Variants in ZNF431 observed in about 807,000 individuals in gnomAD.
ZNF431 encodes the protein zinc finger protein 431.
Under a neutral mutation model 57.0 loss-of-function variants are expected in ZNF431, and 34 were observed. That is an observed-to-expected ratio of 0.60 (90% confidence interval 0.45 to 0.79). ZNF431 has a LOEUF of 0.79. ZNF431 is among the 30% of genes least tolerant of loss of function. The pLI is 0.00. For missense variants in ZNF431, 607 were observed against 667.1 expected, an observed-to-expected ratio of 0.91 and a Z score of 0.99; for synonymous variants, 207 against 220.3, an observed-to-expected ratio of 0.94 and a Z score of 0.54.
intron 4 of ZNF431, among the ~76,000 whole-genome samples, chr19:21,176,198 T>A (rs1358205062): frequency 1.3e-5 from 2 of 152,000 alleles, no homozygotes; most frequent in East Asian, 3.9e-4. Flanking sequence ...TCCACATAAA[T>A]GTCTTCTTTT....
intron 4 of ZNF431, chr19:21,169,723 C>T: frequency 2.5e-6 from 1 of 398,388 alleles, no homozygotes; most frequent in South Asian, 1.3e-4. Flanking sequence ...TATAATGGCC[C>T]TATCAGGATG....
In ZNF431 at chr19:21,193,145, A is replaced by G. The variant is rs1971538968; in HGVS notation, c.*9111A>G. ...AAATCACAGCCGAATTTTAACACAT[A>G]TACAGAGATGAGCTGGTATTACTTC... On this transcript the variant is annotated 3_prime_UTR_variant, in exon 5 of 5. Coordinates refer to ENST00000311048, the MANE Select transcript of ZNF431 (RefSeq NM_133473.4). The G allele has an allele frequency of 6.6e-6, 1 of 152,214 alleles. No homozygotes were observed. Among genetic ancestry groups the G allele is most frequent in the Non-Finnish European group, 1.5e-5 (1 of 68,036 alleles). 9.4% of individuals were successfully genotyped at this position (152,214 alleles called of 1,614,324 possible).
chr19:21,176,405 T>C (rs1971053859), intron 4 of ZNF431, among the ~76,000 whole-genome samples: 1 of 152,146 alleles, frequency 6.6e-6, no homozygotes, highest in East Asian at 1.9e-4. Context: ...CATGCCTGGC[T>C]AATTTTTTGT....
rs1417739477 is a variant in ZNF431, at chr19:21,162,144, T to TTTGTGTG, written c.97-4190_97-4189insTGTGTGT. Among the ~76,000 whole-genome samples, 173 of 66,176 alleles carry TTTGTGTG rather than the reference T, an allele frequency of 2.6e-3. 2 individuals carry two copies. Among genetic ancestry groups the TTTGTGTG allele is most frequent in the South Asian group, 0.011 (21 of 1,938 alleles). The allele number at this position is 66,176 out of a possible 152,430, so 43.4% of individuals were successfully genotyped here. A position where few individuals can be genotyped will look rare whatever the true frequency, so the allele number is the denominator to read the frequency against. On this transcript the variant is annotated intron_variant, in intron 2 of 4. Coordinates refer to ENST00000311048, the MANE Select transcript of ZNF431 (RefSeq NM_133473.4). ...GGTGCCTGTCACCACATCCAGCTAA[T>TTTGTGTG]TGTGTGTGTGTGTGTGTGTGTGTGT... is the stretch of plus-strand genomic sequence containing the variant.
At position 21,192,696 on chromosome 19, in the gene ZNF431, C is replaced by G. The variant is rs1971532062; in HGVS notation, c.*8662C>G. 6.6e-6 allele frequency: 1 copy of G among 152,100 alleles called. No individual in the cohort carries two copies. Among genetic ancestry groups the G allele is most frequent in the Admixed American group, 6.6e-5 (1 of 15,260 alleles). The allele number at this position is 152,100 out of a possible 1,614,324, so 9.4% of individuals were successfully genotyped here. Reference sequence around the variant, plus strand: ...CTTAGAGTAAAAGCTTACAACATATCCCTGTTTAGTATGTTGTTAGCAGTT... The same window carrying G: ...CTTAGAGTAAAAGCTTACAACATATGCCTGTTTAGTATGTTGTTAGCAGTT... On this transcript the variant is annotated 3_prime_UTR_variant, in exon 5 of 5. Transcript: ENST00000311048.
intron 4 of ZNF431, among the ~76,000 whole-genome samples, chr19:21,177,666 TA>T (rs1173260431): frequency 6.6e-6 from 1 of 152,136 alleles, no homozygotes; most frequent in African/African-American, 2.4e-5. Flanking sequence ...CACATTCCTG[TA>T]ATCCTAGCTA....
At chr19:21,145,212 A>T (rs538970813) in intron 2 of ZNF431, among the ~76,000 whole-genome samples, 1 of 152,338 alleles carries the variant, frequency 6.6e-6, no homozygotes, top group East Asian at 1.9e-4. Flanking sequence ...GCGGTGGCTC[A>T]TGCCTGTAAT....
At chr19:21,154,415 A>G (rs1386743643) in intron 2 of ZNF431, among the ~76,000 whole-genome samples, 1 of 152,094 alleles carries the variant, frequency 6.6e-6, no homozygotes, top group Non-Finnish European at 1.5e-5. Context: ...AATCCAGTCT[A>G]TCATTGTTGG....
intron 2 of ZNF431, among the ~76,000 whole-genome samples, chr19:21,159,640 G>C (rs1245965995): frequency 1.3e-5 from 2 of 151,970 alleles, no homozygotes; most frequent in Non-Finnish European, 2.9e-5. Flanking sequence ...CAAAGTGCTG[G>C]GATTACAGGC....
Position 21,190,729 on chromosome 19 carries a change from C to G in ZNF431, c.*6695C>G, listed in dbSNP as rs1971492714. ...CCAGGCTGGAGTGCAATGGCACAAT[C>G]TCGGCTCACTGCAACCCTTGCCTCC... is the stretch of plus-strand genomic sequence containing the variant. On this transcript the variant is annotated 3_prime_UTR_variant, in exon 5 of 5. Coordinates refer to ENST00000311048, the MANE Select transcript of ZNF431 (RefSeq NM_133473.4). The G allele has an allele frequency of 6.8e-6, 1 of 147,828 alleles. No individual in the cohort carries two copies. Among genetic ancestry groups the G allele is most frequent in the African/African-American group, 2.5e-5 (1 of 39,844 alleles). 9.2% of individuals were successfully genotyped at this position (147,828 alleles called of 1,614,324 possible). A position where few individuals can be genotyped will look rare whatever the true frequency, so the allele number is the denominator to read the frequency against.
chr19:21,152,670 C>A (rs530469320), intron 2 of ZNF431, among the ~76,000 whole-genome samples: 2 of 152,074 alleles, frequency 1.3e-5, no homozygotes, highest in Non-Finnish European at 2.9e-5. Context: ...TTAAGAGGAG[C>A]CTTTAACCCA....
At chr19:21,150,404 ACCTTCTTCCC>A (rs1970237250) in intron 2 of ZNF431, 1 of 309,540 alleles carries the variant, frequency 3.2e-6, no homozygotes, top group African/African-American at 2.2e-5. Flanking sequence ...GGTTGGAGCC[ACCTTCTTCCC>A]CTAGGCCTTC....
intron 2 of ZNF431, among the ~76,000 whole-genome samples, chr19:21,165,558 T>A (rs1386462560): frequency 6.6e-6 from 1 of 152,356 alleles, no homozygotes; most frequent in South Asian, 2.1e-4. Flanking sequence ...TCTAGTGTAG[T>A]TGATGTTAAT....
chr19:21,176,707 AT>A (rs916927429), intron 4 of ZNF431, among the ~76,000 whole-genome samples: 2 of 151,024 alleles, frequency 1.3e-5, no homozygotes, highest in East Asian at 2.0e-4. Flanking sequence ...TTATTTATTT[AT>A]TTTTTTTCAG....
intron 2 of ZNF431, among the ~76,000 whole-genome samples, chr19:21,148,980 TACA>T (rs1970189331): frequency 6.6e-6 from 1 of 152,226 alleles, no homozygotes; most frequent in Non-Finnish European, 1.5e-5. Context: ...CTTTAAATTG[TACA>T]ACATTTCTTG....
intron 2 of ZNF431, chr19:21,150,150 C>G (rs1195291465): frequency 1.6e-6 from 1 of 609,006 alleles, no homozygotes; most frequent in African/African-American, 1.9e-5. Context: ...TACTTGTAGG[C>G]TAGCTTAAGC....
intron 4 of ZNF431, among the ~76,000 whole-genome samples, chr19:21,176,929 C>T (rs1037135545): frequency 1.4e-4 from 22 of 152,086 alleles, no homozygotes; most frequent in African/African-American, 4.6e-4. Context: ...ACTCCTGACC[C>T]CATCCTCATC....
rs1364092322 is a variant in ZNF431 at position 21,188,331 on chromosome 19, T to C, written c.*4297T>C. 6.6e-6 allele frequency: 1 copy of C among 150,976 alleles called. No homozygotes were observed. The highest frequency in any genetic ancestry group is 1.5e-5 in the Non-Finnish European group (1 of 67,784). 9.4% of individuals were successfully genotyped at this position (150,976 alleles called of 1,614,324 possible). The stretch of plus-strand genomic sequence containing the variant: ...TAATTAAATTAGTCAGCTTTGTTTT[T>C]AAAAGAAAAATCTTACTAGATTCTT... On this transcript the variant is annotated 3_prime_UTR_variant, in exon 5 of 5. Transcript: ENST00000311048.
At chr19:21,162,036 G>GTGCAACCTCGGCTCAC (rs1413113195) in intron 2 of ZNF431, among the ~76,000 whole-genome samples, 1 of 151,948 alleles carries the variant, frequency 6.6e-6, no homozygotes, top group Non-Finnish European at 1.5e-5. Context: ...GAGTGTAGTG[G>GTGCAACCTCGGCTCAC]TGCAACCTCG....
Sources: allele counts gnomAD v4.1 joint callset (sites outside exome capture counted in the v4.1 genomes callset), GRCh38; gene constraint gnomAD v4.1.1; transcripts MANE v1.5; gene names NCBI Gene and HGNC (gene_info 2026-07-23, HGNC 2026-07-21).